The following WDR13 variants were observed in gnomAD, a reference collection of about 807,000 sequenced individuals.
The protein encoded by WDR13 is WD repeat-containing protein 13.
In WDR13, 1 loss-of-function variant was observed where a neutral mutation model predicts 28.6. The observed-to-expected ratio is 0.03, with a 90% CI of 0.01 to 0.17. WDR13 has a LOEUF of 0.17. Among genes scored for constraint, WDR13 ranks in the 10% least tolerant of loss-of-function variants. WDR13 has a pLI of 1.00. For missense variants in WDR13, 264 were observed against 469.3 expected (o/e 0.56, Z 4.04); for synonymous variants, 201 against 185.9 (o/e 1.08, Z -0.66).
chrX:48,600,677 A>G (rs1476400591), intron 6 of WDR13, 51 bp downstream of exon 6: 33 of 1,157,128 alleles, frequency 2.9e-5, no homozygotes, highest in Non-Finnish European at 3.7e-5. Flanking sequence ...TGGGTCAGGA[A>G]GGCTATCTGA....
chrX:48,602,310 A>G, intron 8 of WDR13, 104 bp downstream of exon 8: 2 of 916,316 alleles, frequency 2.2e-6, no homozygotes, highest in East Asian at 3.2e-5. Flanking sequence ...TTGAGGGAGC[A>G]GTAGTAGCAG....
intron 6 of WDR13, 72 bp downstream of exon 6, chrX:48,600,698 G>A: frequency 8.9e-7 from 1 of 1,120,714 alleles, no homozygotes. Flanking sequence ...GGGAATCAGA[G>A]TATAAGGAGG....
intron 3 of WDR13, 112 bp downstream of exon 3, chrX:48,599,069 G>A (rs2062164372): frequency 3.8e-6 from 4 of 1,039,231 alleles, no homozygotes; most frequent in Non-Finnish European, 5.1e-6. Flanking sequence ...ATCAGCAGAG[G>A]ACAAAAAGAT....
At position 48,598,032 on chromosome X, in the gene WDR13, C is replaced by T. The variant is rs2147220103; in HGVS notation, c.36C>T (p.Asp12=). The change falls in exon 2 of 10, where the codon GAC becomes GAT. Residue 12 remains aspartate (D), a synonymous_variant. Coordinates refer to ENST00000376729, the MANE Select transcript of WDR13 (RefSeq NM_001347217.2). Reference sequence around the variant, plus strand: ...TGTGGCAGCAAGTCTTAGCAGTGGACGCGAGGTGAGGCGTGGGGTCAAAGC... The same window carrying T: ...TGTGGCAGCAAGTCTTAGCAGTGGATGCGAGGTGAGGCGTGGGGTCAAAGC... ...AAVWQQVLAV[D]ARYNAYRTPT... is the part of the protein sequence containing the mutation. 1 of 1,165,241 alleles carries T rather than the reference C, an allele frequency of 8.6e-7. No homozygotes were observed. Among genetic ancestry groups the T allele is most frequent in the East Asian group, 3.3e-5 (1 of 30,555 alleles).
At chrX:48,600,174 T>C in intron 5 of WDR13, 145 bp from the exon 6 acceptor site, 1 of 580,328 alleles carries the variant, frequency 1.7e-6, no homozygotes, top group South Asian at 3.2e-5. Context: ...ACAGTTCCCT[T>C]TGTCAGCCAA....
chrX:48,597,662 G>A (rs1224901607), intron 1 of WDR13, 48 bp downstream of exon 1: 4 of 251,405 alleles, frequency 1.6e-5, no homozygotes, highest in Admixed American at 7.1e-5. Flanking sequence ...AAGGGAAGGC[G>A]GAGGGCGGCG....
Position 48,598,236 on chromosome X carries a change from ATG to A in WDR13, c.41+202_41+203del, listed in dbSNP as rs1267238165. The A allele has an allele frequency of 1.9e-5, 21 of 1,095,347 alleles. No homozygotes were observed. In the African/African-American group the frequency reaches 4.0e-4, roughly 21 times the overall value. 90.3% of individuals were successfully genotyped at this position (1,095,347 alleles called of 1,213,427 possible). The stretch of plus-strand genomic sequence containing the variant: ...GGATTCTAAACAGCAAGCTGGGAAA[ATG>A]TGGTCAGATGTGGGCATGCGCAAAG... On this transcript the variant is annotated intron_variant, in intron 2 of 9. Transcript: ENST00000376729.
chrX:48,600,891 T>G (rs235849), intron 6 of WDR13, among the ~76,000 whole-genome samples: 52,425 of 109,766 alleles, frequency 0.48, 9,767 homozygotes, highest in Middle Eastern at 0.59. Flanking sequence ...GTCAGGAGAT[T>G]GAGACCATCC....
intron 6 of WDR13, among the ~76,000 whole-genome samples, chrX:48,601,566 T>G (rs2062185922): frequency 8.9e-6 from 1 of 112,013 alleles, no homozygotes; most frequent in African/African-American, 3.2e-5. Flanking sequence ...TGAAGGCCCT[T>G]TAGTCCCGTA....
chrX:48,599,019 C>T, intron 3 of WDR13, 62 bp downstream of exon 3: 1 of 1,149,946 alleles, frequency 8.7e-7, no homozygotes, highest in Non-Finnish European at 1.2e-6. Flanking sequence ...ACTCCACTGA[C>T]TTTCATCAAG....
In WDR13 at chrX:48,598,656, C is replaced by A. The variant is rs782333457; in HGVS notation, c.42-61C>A. On this transcript the variant is annotated intron_variant, in intron 2 of 9. Coordinates refer to ENST00000376729, the MANE Select transcript of WDR13 (RefSeq NM_001347217.2). The stretch of plus-strand genomic sequence containing the variant: ...TCACTCTCCTGCCGTACCCCCCCCC[C>A]CGAGCTGATTGATTCCCTCTGTCCT... The A allele has an allele frequency of 2.0e-5, 19 of 966,874 alleles. No individual in the cohort carries two copies. In the African/African-American group the frequency reaches 3.7e-4, roughly 19 times the overall value. 79.7% of individuals were successfully genotyped at this position (966,874 alleles called of 1,213,427 possible).
At position 48,605,085 on chromosome X, in the gene WDR13, C is replaced by T. The variant is rs1281242404; in HGVS notation, c.*53C>T. On this transcript the variant is annotated 3_prime_UTR_variant, in exon 10 of 10. Transcript: ENST00000376729. Reference sequence around the variant, plus strand: ...CATCCCACCCCTCTTACTCCAGCCTCGTGTTGTAAATAAAGTTTCGGTGGT... The same window carrying T: ...CATCCCACCCCTCTTACTCCAGCCTTGTGTTGTAAATAAAGTTTCGGTGGT... The T allele has an allele frequency of 1.1e-5, 13 of 1,151,537 alleles. No homozygotes were observed. Among genetic ancestry groups the T allele is most frequent in the East Asian group, 3.1e-5 (1 of 32,140 alleles). The allele number at this position is 1,151,537 out of a possible 1,213,427, so 94.9% of individuals were successfully genotyped here. A position where few individuals can be genotyped will look rare whatever the true frequency, so the allele number is the denominator to read the frequency against.
Position 48,605,179 on chromosome X carries a change from A to G in WDR13, c.*147A>G. The stretch of plus-strand genomic sequence containing the variant: ...CAGAGGGCAGCGGGCAGCTCCAGGA[A>G]CACGGTGGAACGGGGTTCATTGACT... On this transcript the variant is annotated 3_prime_UTR_variant, in exon 10 of 10. Transcript: ENST00000376729. 1.8e-5 allele frequency: 12 copies of G among 652,819 alleles called. No homozygotes were observed. Among genetic ancestry groups the G allele is most frequent in the Non-Finnish European group, 2.7e-5 (12 of 445,527 alleles). The allele number at this position is 652,819 out of a possible 1,213,427, so 53.8% of individuals were successfully genotyped here.
At chrX:48,604,812 G>T in intron 9 of WDR13, 36 bp from the exon 10 acceptor site, 1 of 1,189,492 alleles carries the variant, frequency 8.4e-7, no homozygotes, top group Non-Finnish European at 1.1e-6. Context: ...GGCACCCCAG[G>T]CGCCTCCCGA....
intron 5 of WDR13, 36 bp from the exon 6 acceptor site, chrX:48,600,283 G>A (rs781869388): frequency 1.7e-6 from 2 of 1,162,347 alleles, no homozygotes; most frequent in Non-Finnish European, 2.3e-6. Flanking sequence ...CCCAGTGAGT[G>A]TGCAGATTCC....
At chrX:48,601,985 C>A in intron 7 of WDR13, 21 bp downstream of exon 7, 8 of 1,191,927 alleles carry the variant, frequency 6.7e-6, no homozygotes, top group Non-Finnish European at 9.1e-6. Context: ...AGCAGGCCTG[C>A]ATCTGGGTGC....
At chrX:48,600,723 G>GT in intron 6 of WDR13, 97 bp downstream of exon 6, 1 of 994,218 alleles carries the variant, frequency 1.0e-6, no homozygotes, top group Non-Finnish European at 1.4e-6. Flanking sequence ...GCCAGGGGGG[G>GT]CCTAGGACCC....
At position 48,601,858 on chromosome X, in the gene WDR13, G is replaced by A; in HGVS notation, c.906G>A (p.Lys302=). The change falls in exon 7 of 10, where the codon AAG becomes AAA. Residue 302 remains lysine, a synonymous_variant. Coordinates refer to ENST00000376729, the MANE Select transcript of WDR13 (RefSeq NM_001347217.2). The part of the protein sequence containing the change: ...TGKKVKGGSS[K]LTGRVLALSF... ...AGAAAGTGAAGGGGGGCTCCAGCAAGCTGACAGGCCGTGTCCTTGCTCTGT... is the reference window on the plus strand; with the variant it reads ...AGAAAGTGAAGGGGGGCTCCAGCAAACTGACAGGCCGTGTCCTTGCTCTGT... 8.3e-7 allele frequency: 1 copy of A among 1,206,169 alleles called. No individual in the cohort carries two copies.
At chrX:48,603,596 C>T (rs782317681) in intron 8 of WDR13, among the ~76,000 whole-genome samples, 21 of 111,450 alleles carry the variant, frequency 1.9e-4, no homozygotes, top group Middle Eastern at 4.2e-3. Flanking sequence ...TGCAGCGAGG[C>T]GAGATCGTGC....
Sources: allele counts gnomAD v4.1 joint callset (sites outside exome capture counted in the v4.1 genomes callset), GRCh38; gene constraint gnomAD v4.1.1; transcripts MANE v1.5; gene names NCBI Gene and HGNC (gene_info 2026-07-23, HGNC 2026-07-21).